The following LYG1 variants were observed in gnomAD, a reference collection of about 807,000 sequenced individuals.
LYG1 encodes lysozyme g1.
LYG1 carries 17 observed loss-of-function variants against 21.7 expected under a neutral mutation model. The ratio of observed to expected loss-of-function variants is 0.78; its 90% CI spans 0.54 to 1.18. The LOEUF (loss-of-function observed/expected upper bound fraction) is 1.18, where lower values mean the gene tolerates loss of function less well. LYG1 is among the 50% of genes most tolerant of loss of function. The probability of loss-of-function intolerance (pLI) is 0.00; values close to 1 mark genes in which losing one functional copy is unlikely to be tolerated. For synonymous variants in LYG1, 81 were observed against 87.4 expected (o/e 0.93, Z 0.41); for missense variants, 211 against 238.1 (o/e 0.89, Z 0.75).
upstream of LYG1, among the ~76,000 whole-genome samples, chr2:99,302,839 G>A (rs1255648563): frequency 6.6e-6 from 1 of 151,856 alleles, no homozygotes; most frequent in Non-Finnish European, 1.5e-5. Flanking sequence ...CCAACATGGC[G>A]AAACCCCATC....
At chr2:99,304,538 T>C, upstream of LYG1, 1 of 152,452 alleles carries the variant, frequency 6.6e-6, no homozygotes, top group Non-Finnish European at 1.5e-5. Context: ...TTGACAGGAC[T>C]CAGTTTGGGA....
At chr2:99,292,008 C>T (rs756383941) in intron 4 of LYG1, among the ~76,000 whole-genome samples, 1 of 152,102 alleles carries the variant, frequency 6.6e-6, no homozygotes, top group South Asian at 2.1e-4. Flanking sequence ...CACCCTCGGC[C>T]GGGCGCAGTG....
At chr2:99,303,688 T>C (rs1259331699), upstream of LYG1, among the ~76,000 whole-genome samples, 3 of 152,148 alleles carry the variant, frequency 2.0e-5, no homozygotes, top group Non-Finnish European at 4.4e-5. Context: ...AGAGAGATGA[T>C]GGTTGGACTA....
chr2:99,292,369 G>A (rs888826047), intron 4 of LYG1, among the ~76,000 whole-genome samples, 167 bp downstream of exon 4: 2 of 152,162 alleles, frequency 1.3e-5, no homozygotes, highest in Non-Finnish European at 2.9e-5. Context: ...TGTAAATACC[G>A]TACTGCTAGC....
upstream of LYG1, among the ~76,000 whole-genome samples, chr2:99,303,802 T>C (rs561662594): frequency 5.3e-5 from 8 of 152,068 alleles, no homozygotes; most frequent in East Asian, 3.9e-4. Flanking sequence ...TGGGAGACAA[T>C]TGAATCATGG....
chr2:99,289,690 G>A (rs180699515), intron 5 of LYG1, among the ~76,000 whole-genome samples: 1 of 152,106 alleles, frequency 6.6e-6, no homozygotes, highest in Non-Finnish European at 1.5e-5. Context: ...AGTCCAGAAA[G>A]GGATTTTTCT....
intron 3 of LYG1, among the ~76,000 whole-genome samples, 183 bp from the exon 4 acceptor site, chr2:99,292,823 C>T (rs955850099): frequency 2.0e-5 from 3 of 152,096 alleles, no homozygotes; most frequent in African/African-American, 7.2e-5. Flanking sequence ...AAAACTTCCT[C>T]AATACCAAAT....
At chr2:99,300,497 C>T (rs71413823) in intron 1 of LYG1, among the ~76,000 whole-genome samples, 9,545 of 152,126 alleles carry the variant, frequency 0.063, 315 homozygotes, top group Middle Eastern at 0.11. Flanking sequence ...ACTCTAGAGG[C>T]GTATCTGTCT....
intron 3 of LYG1, among the ~76,000 whole-genome samples, 195 bp downstream of exon 3, chr2:99,295,433 G>A (rs943024122): frequency 6.6e-6 from 1 of 152,228 alleles, no homozygotes; most frequent in Non-Finnish European, 1.5e-5. Flanking sequence ...TTGCATTCCA[G>A]AGAACCCCAA....
At chr2:99,299,195 G>A (rs939898462) in intron 1 of LYG1, among the ~76,000 whole-genome samples, 12 of 151,616 alleles carry the variant, frequency 7.9e-5, no homozygotes, top group Admixed American at 5.9e-4. Flanking sequence ...CCAAAATGCT[G>A]GGATCATAGG....
At position 99,291,264 on chromosome 2, in the gene LYG1, G is replaced by A; in HGVS notation, c.306C>T (p.Asn102=). ...RKSPGDKILV[N]MGDRTSMVQD... ...GCACCATGCTAGTCCTATCGCCCAT[G>A]TTGACCAGAATTTTGTCACCGGGAG... Residue 102 remains asparagine (N), a synonymous_variant, in exon 5 of 7, where the codon AAC becomes AAT. Transcript: ENST00000308528. The A allele has an allele frequency of 1.2e-6, 2 of 1,614,182 alleles. No individual in the cohort carries two copies. Among genetic ancestry groups the A allele is most frequent in the Non-Finnish European group, 1.7e-6 (2 of 1,180,024 alleles).
chr2:99,299,786 T>G (rs1198272168), intron 1 of LYG1, among the ~76,000 whole-genome samples: 1 of 151,784 alleles, frequency 6.6e-6, no homozygotes, highest in Non-Finnish European at 1.5e-5. Flanking sequence ...TTTTAAAATT[T>G]TTAAATATTT....
intron 1 of LYG1, among the ~76,000 whole-genome samples, chr2:99,299,093 A>T (rs2094146141): frequency 6.6e-6 from 1 of 151,382 alleles, no homozygotes; most frequent in African/African-American, 2.4e-5. Flanking sequence ...CGCCCAGCTA[A>T]TTTTTGTATT....
rs764602309 is a variant in LYG1, at chr2:99,291,433, G to A, written c.149-12C>T. The A allele has an allele frequency of 8.1e-6, 13 of 1,613,330 alleles. No individual in the cohort carries two copies. The South Asian group carries it at 8.8e-5, about 11-fold the overall frequency. The stretch of plus-strand genomic sequence containing the variant: ...AGAAGCACGAACTCCTAAACCAAAC[G>A]CAAAAGGAATGATGCAGCTTGTTGT... On this transcript the variant is annotated splice_polypyrimidine_tract_variant and intron_variant, in intron 4 of 6. Transcript: ENST00000308528.
chr2:99,303,705 C>T (rs576174997), upstream of LYG1, among the ~76,000 whole-genome samples: 4 of 152,292 alleles, frequency 2.6e-5, no homozygotes, highest in South Asian at 2.1e-4. Flanking sequence ...ACTAGAGTGA[C>T]GGGGCTATGG....
rs2094092967 is a variant in LYG1 at position 99,284,761 on chromosome 2, A to G, written c.393T>C (p.Thr131=). Residue 131 remains threonine (T), a synonymous_variant, in exon 6 of 7, where the codon ACT becomes ACC. Transcript: ENST00000308528. ...CTTTGATTCTAGTAGTCAGAACTTC[A>G]GTTGTCTGGGAAACCTGAGACTCAC... is the stretch of plus-strand genomic sequence containing the variant. The part of the protein sequence containing the change: ...WISESQVSQT[T]EVLTTRIKEI... 2 of 1,613,912 alleles carry G rather than the reference A, an allele frequency of 1.2e-6. No individual in the cohort carries two copies. The highest frequency in any genetic ancestry group is 1.3e-5 in the African/African-American group (1 of 75,018).
In LYG1 at chr2:99,291,438, A is replaced by G. The variant is rs751648608; in HGVS notation, c.149-17T>C. 1.2e-6 allele frequency: 2 copies of G among 1,613,134 alleles called. No individual in the cohort carries two copies. Among genetic ancestry groups the G allele is most frequent in the Non-Finnish European group, 8.5e-7 (1 of 1,179,560 alleles). ...CACGAACTCCTAAACCAAACGCAAAAGGAATGATGCAGCTTGTTGTGACTT... is the reference window on the plus strand; with the variant it reads ...CACGAACTCCTAAACCAAACGCAAAGGGAATGATGCAGCTTGTTGTGACTT... On this transcript the variant is annotated splice_polypyrimidine_tract_variant and intron_variant, in intron 4 of 6. Coordinates refer to ENST00000308528, the MANE Select transcript of LYG1 (RefSeq NM_174898.3).
Position 99,292,060 on chromosome 2 carries a change from G to C in LYG1, c.148+476C>G, listed in dbSNP as rs1022061772. 2.6e-5 allele frequency among the ~76,000 whole-genome samples: 4 copies of C among 152,270 alleles called. No homozygotes were observed. In the East Asian group the frequency reaches 7.8e-4, roughly 30 times the overall value. On this transcript the variant is annotated intron_variant, in intron 4 of 6. Transcript: ENST00000308528. Reference sequence around the variant, plus strand: ...CCAGCACTTTGGGAGGCCAAAGAGGGAGGATCACCTGAGGTCAGGAGTTCG... The same window carrying C: ...CCAGCACTTTGGGAGGCCAAAGAGGCAGGATCACCTGAGGTCAGGAGTTCG...
intron 5 of LYG1, among the ~76,000 whole-genome samples, chr2:99,287,989 A>T (rs547534760): frequency 1.6e-3 from 237 of 152,178 alleles, no homozygotes; most frequent in Non-Finnish European, 2.6e-3. Flanking sequence ...TGTTCTTATT[A>T]CATGTGTTAA....
Sources: gnomAD v4.1 joint callset for allele counts (sites outside exome capture counted in the v4.1 genomes callset) on GRCh38, gnomAD v4.1.1 for gene constraint, MANE v1.5 for transcripts, NCBI Gene and HGNC (gene_info 2026-07-23, HGNC 2026-07-21) for gene names.